COLEC10: variants seen among roughly 807,000 people sequenced by gnomAD.
COLEC10 encodes the protein collectin subfamily member 10, also known as collectin-10.
COLEC10 carries 22 observed loss-of-function variants against 28.4 expected under a neutral mutation model. The observed-to-expected ratio is 0.78, with a 90% CI of 0.55 to 1.11. The LOEUF (loss-of-function observed/expected upper bound fraction) is 1.11, where lower values mean the gene tolerates loss of function less well. Among genes scored for constraint, COLEC10 ranks in the 50% least tolerant of loss-of-function variants. The probability of loss-of-function intolerance (pLI) is 0.00; values close to 1 mark genes in which losing one functional copy is unlikely to be tolerated. For missense variants in COLEC10, 361 were observed against 344.1 expected (o/e 1.05, Z -0.39); for synonymous variants, 125 against 116.1 (o/e 1.08, Z -0.49).
chr8:119,103,241 C>A (rs548324661), intron 4 of COLEC10, among the ~76,000 whole-genome samples: 3 of 152,260 alleles, frequency 2.0e-5, no homozygotes, highest in South Asian at 2.1e-4. Flanking sequence ...ACAAACTGGG[C>A]AACTGGCTTT....
At chr8:119,075,508 T>C (rs1815209027) in intron 1 of COLEC10, among the ~76,000 whole-genome samples, 1 of 152,348 alleles carries the variant, frequency 6.6e-6, no homozygotes, top group South Asian at 2.1e-4. Context: ...TTTACTGCTA[T>C]TGTTCTTGAT....
intron 2 of COLEC10, among the ~76,000 whole-genome samples, chr8:119,022,326 A>C (rs1814114375): frequency 6.6e-6 from 1 of 152,156 alleles, no homozygotes; most frequent in Non-Finnish European, 1.5e-5. Flanking sequence ...CCCATAGTCA[A>C]GTATTTGTGC....
intron 2 of COLEC10, among the ~76,000 whole-genome samples, chr8:119,028,904 A>G (rs992082454): frequency 6.6e-6 from 1 of 152,176 alleles, no homozygotes; most frequent in African/African-American, 2.4e-5. Flanking sequence ...TTATTCAACA[A>G]TTATGTGTTG....
chr8:119,086,686 G>C (rs1383813620), intron 1 of COLEC10, among the ~76,000 whole-genome samples: 2 of 152,154 alleles, frequency 1.3e-5, no homozygotes, highest in Admixed American at 1.3e-4. Flanking sequence ...AAAACAAATG[G>C]GAAAGCTTAT....
rs138362458 is a variant in COLEC10, at chr8:119,069,605, C to CAAA, written c.148+2199_148+2201dup. Among the ~76,000 whole-genome samples the CAAA allele has an allele frequency of 8.1e-3, 71 of 8,732 alleles. 7 individuals are homozygous for CAAA. Among genetic ancestry groups the CAAA allele is most frequent in the East Asian group, 0.018 (4 of 224 alleles). The allele number at this position is 8,732 out of a possible 152,430, so 5.7% of individuals were successfully genotyped here. On this transcript the variant is annotated intron_variant, in intron 1 of 5. Coordinates refer to ENST00000332843, the MANE Select transcript of COLEC10 (RefSeq NM_006438.5). ...TGGACAACAGAGTGAGACCCCATCTCAAAAAAAAAAAAAAAAAAAAAAAAA... is the reference window on the plus strand; with the variant it reads ...TGGACAACAGAGTGAGACCCCATCTCAAAAAAAAAAAAAAAAAAAAAAAAAAAA...
the COLEC10 span, among the ~76,000 whole-genome samples, chr8:118,973,734 T>C: frequency 6.6e-6 from 1 of 151,982 alleles, no homozygotes; most frequent in Non-Finnish European, 1.5e-5. Context: ...CATTGAGAAG[T>C]TCCTATTACA....
intron 1 of COLEC10, among the ~76,000 whole-genome samples, chr8:119,085,510 G>C (rs1026009639): frequency 2.0e-5 from 3 of 151,948 alleles, no homozygotes; most frequent in Non-Finnish European, 4.4e-5. Context: ...TATATTTTAG[G>C]CAGGAGTTCT....
chr8:119,080,184 C>T (rs917950105), intron 1 of COLEC10, among the ~76,000 whole-genome samples: 13 of 152,158 alleles, frequency 8.5e-5, no homozygotes, highest in Admixed American at 3.3e-4. Flanking sequence ...TGAAAGACTG[C>T]GTTCAGTGTC....
chr8:119,021,552 T>C (rs571535834), intron 2 of COLEC10, among the ~76,000 whole-genome samples: 17 of 152,288 alleles, frequency 1.1e-4, no homozygotes, highest in African/African-American at 3.8e-4. Flanking sequence ...GAATAGACAG[T>C]GTTTCATCCT....
At chr8:118,969,211 C>G in the COLEC10 span, among the ~76,000 whole-genome samples, 1 of 151,946 alleles carries the variant, frequency 6.6e-6, no homozygotes. Context: ...AACAGATTTT[C>G]CCCTGAAGTC....
the COLEC10 span, among the ~76,000 whole-genome samples, chr8:118,960,864 G>A: frequency 6.6e-6 from 1 of 150,978 alleles, no homozygotes; most frequent in Non-Finnish European, 1.5e-5. Context: ...CAGACAATAT[G>A]GATCACCTGT....
chr8:118,963,216 C>T, the COLEC10 span, among the ~76,000 whole-genome samples: 2 of 152,134 alleles, frequency 1.3e-5, no homozygotes, highest in Non-Finnish European at 2.9e-5. Flanking sequence ...TATAGAATAT[C>T]CATTAAGTTT....
At chr8:119,059,975 T>C (rs2465366) in intron 2 of COLEC10, among the ~76,000 whole-genome samples, 41,777 of 152,014 alleles carry the variant, frequency 0.27, 6,378 homozygotes, top group East Asian at 0.66. Flanking sequence ...CTTCACATAG[T>C]CATGGCTGAA....
Position 119,088,403 on chromosome 8 carries a change from C to T in COLEC10, c.149-1277C>T, listed in dbSNP as rs78545670. Among the ~76,000 whole-genome samples the T allele has an allele frequency of 3.5e-3, 537 of 152,238 alleles. 3 individuals are homozygous for T. Among genetic ancestry groups the T allele is most frequent in the African/African-American group, 0.013 (522 of 41,558 alleles). Reference sequence around the variant, plus strand: ...TTTCAATGTTTGATCAATCTCACACCTGGAAATCCAACTCTTCCATACATT... The same window carrying T: ...TTTCAATGTTTGATCAATCTCACACTTGGAAATCCAACTCTTCCATACATT... On this transcript the variant is annotated intron_variant, in intron 1 of 5. Coordinates refer to ENST00000332843, the MANE Select transcript of COLEC10 (RefSeq NM_006438.5).
intron 1 of COLEC10, chr8:119,068,361 G>T (rs1428282104): frequency 1.1e-4 from 16 of 152,214 alleles, no homozygotes; most frequent in Admixed American, 1.0e-3. Context: ...TGCAATCCAA[G>T]TTTTAACCTT....
chr8:118,958,594 A>G, the COLEC10 span, among the ~76,000 whole-genome samples: 3 of 152,232 alleles, frequency 2.0e-5, no homozygotes, highest in African/African-American at 7.2e-5. Flanking sequence ...AGGAAAAAAA[A>G]AGTGTATCTA....
the COLEC10 span, among the ~76,000 whole-genome samples, chr8:118,989,577 ACC>A: frequency 8.3e-3 from 1,140 of 137,394 alleles, 11 homozygotes; most frequent in African/African-American, 0.029. Context: ...ACACACACAC[ACC>A]CCTACCTACC....
intron 1 of COLEC10, among the ~76,000 whole-genome samples, chr8:119,078,185 G>A (rs1173281512): frequency 1.3e-5 from 2 of 152,222 alleles, no homozygotes; most frequent in Non-Finnish European, 2.9e-5. Flanking sequence ...ATTTGGAGAG[G>A]ACACACATCA....
At chr8:119,066,450 T>G (rs999661848), upstream of COLEC10, among the ~76,000 whole-genome samples, 2 of 152,226 alleles carry the variant, frequency 1.3e-5, no homozygotes, top group Non-Finnish European at 2.9e-5. Flanking sequence ...CCCCTTATTT[T>G]GTAAAAGACT....
Sources: allele counts gnomAD v4.1 joint callset (sites outside exome capture counted in the v4.1 genomes callset), GRCh38; gene constraint gnomAD v4.1.1; transcripts MANE v1.5; gene names NCBI Gene and HGNC (gene_info 2026-07-23, HGNC 2026-07-21).